Variants in TAF1 observed in about 807,000 individuals in gnomAD.
TAF1 encodes the protein transcription initiation factor TFIID subunit 1.
TAF1 carries 2 observed loss-of-function variants against 138.5 expected under a neutral mutation model. That is an observed-to-expected ratio of 0.01 (90% CI 0.01 to 0.05). The LOEUF (loss-of-function observed/expected upper bound fraction) is 0.05. Among genes scored for constraint, TAF1 ranks in the 10% least tolerant of loss-of-function variants. The pLI, the probability that TAF1 is intolerant of heterozygous loss-of-function variation, is 1.00. For synonymous variants in TAF1, 437 were observed against 503.2 expected, an observed-to-expected ratio of 0.87 and a Z score of 1.76; for missense variants, 709 against 1,478.0, an observed-to-expected ratio of 0.48 and a Z score of 8.53.
chrX:71,494,976 C>A (rs1052974657), intron 13 of TAF1, among the ~76,000 whole-genome samples: 2 of 111,842 alleles, frequency 1.8e-5, no homozygotes, highest in African/African-American at 6.5e-5. Context: ...ATTTACAATC[C>A]TTTAGCTACA....
At chrX:71,508,656 G>C (rs1282671597) in intron 13 of TAF1, among the ~76,000 whole-genome samples, 1 of 105,844 alleles carries the variant, frequency 9.4e-6, no homozygotes, top group South Asian at 4.3e-4. Context: ...AAGTGAAGAC[G>C]GGAAGGAAGG....
rs142985324 is a variant in TAF1, at chrX:71,499,987, C to T, written c.1367-28555C>T. ...AGAGAGGGAGAAGGGGATATGTACC[C>T]GGGTTGGGCAAAATTCCCCTCCTCC... On this transcript the variant is annotated intron_variant and NMD_transcript_variant, in intron 13 of 14. Coordinates refer to the TAF1 transcript ENST00000373775. Among the ~76,000 whole-genome samples the T allele has an allele frequency of 4.5e-3, 495 of 110,839 alleles. 3 individuals carry two copies. The highest frequency in any genetic ancestry group is 0.015 in the African/African-American group (462 of 30,558).
At chrX:71,385,086 G>A (rs181094288) in intron 14 of TAF1, 37 bp downstream of exon 14, 1,530 of 1,055,851 alleles carry the variant, frequency 1.4e-3, no homozygotes, top group Non-Finnish European at 1.9e-3. Context: ...GTTAACTAAG[G>A]AAATTGATAA....
chrX:71,442,983 T>C (rs1033805869), intron 32 of TAF1, among the ~76,000 whole-genome samples: 2 of 111,512 alleles, frequency 1.8e-5, no homozygotes, highest in Non-Finnish European at 3.8e-5. Context: ...AGATGTGTGG[T>C]ATTATTTCTG....
intron 24 of TAF1, among the ~76,000 whole-genome samples, chrX:71,399,940 C>T (rs920870460): frequency 1.0e-4 from 11 of 109,907 alleles, no homozygotes; most frequent in Non-Finnish European, 1.5e-4. Flanking sequence ...CCATGTTGGC[C>T]AGGCTGGACT....
At chrX:71,384,598 CAG>C (rs774697992) in intron 13 of TAF1, among the ~76,000 whole-genome samples, 5 of 110,514 alleles carry the variant, frequency 4.5e-5, no homozygotes, top group Admixed American at 2.0e-4. Flanking sequence ...TTAGTAGAGA[CAG>C]GGTTTCATCA....
intron 13 of TAF1, among the ~76,000 whole-genome samples, chrX:71,506,701 CAAA>C (rs770560479): frequency 4.7e-5 from 3 of 63,503 alleles, no homozygotes; most frequent in Non-Finnish European, 3.1e-5. Context: ...GACCCTGTCT[CAAA>C]AAAAAAAAAA....
chrX:71,468,578 C>T (rs963269599), downstream of TAF1, among the ~76,000 whole-genome samples: 1 of 106,191 alleles, frequency 9.4e-6, no homozygotes, highest in Admixed American at 1.0e-4. Context: ...CCCAGCTACT[C>T]AGGAGGCTGA....
rs2038697293 is a variant in TAF1 at position 71,464,886 on chromosome X, A to G, written c.*840A>G. On this transcript the variant is annotated 3_prime_UTR_variant, in exon 38 of 38. Coordinates refer to ENST00000423759, the MANE Select transcript of TAF1 (RefSeq NM_004606.5). ...TTAATTATGCAATGCCTAGTTCCTA[A>G]ATGGATTGGAGGCAAATTACCGTAA... 1 of 111,539 alleles carries G rather than the reference A, an allele frequency of 9.0e-6. No homozygotes were observed. Among genetic ancestry groups the G allele is most frequent in the Admixed American group, 9.6e-5 (1 of 10,420 alleles). The allele number at this position is 111,539 out of a possible 1,213,427, so 9.2% of individuals were successfully genotyped here.
At chrX:71,449,478 G>A (rs1015680662) in intron 32 of TAF1, among the ~76,000 whole-genome samples, 2 of 112,565 alleles carry the variant, frequency 1.8e-5, no homozygotes, top group African/African-American at 3.2e-5. Flanking sequence ...TAAGGAAGAG[G>A]TCCCATTTTC....
Position 71,383,017 on chromosome X carries a change from G to T in TAF1, c.1800G>T (p.Arg600=). The T allele has an allele frequency of 8.3e-7, 1 of 1,208,856 alleles. No individual in the cohort carries two copies. Among genetic ancestry groups the T allele is most frequent in the Non-Finnish European group, 1.1e-6 (1 of 894,664 alleles). ...ATTCAATTCCTGCTGTGGAATTACG[G>T]CAGCCCTTCTTTCCCACCCACATGG... ...IQHSIPAVEL[R]QPFFPTHMGP... The change falls in exon 12 of 38, where the codon CGG becomes CGT. Residue 600 remains arginine, a synonymous_variant. Transcript: ENST00000423759.
intron 2 of TAF1, 75 bp from the exon 3 acceptor site, chrX:71,367,979 T>C (rs1461550205): frequency 1.9e-6 from 2 of 1,067,146 alleles, no homozygotes; most frequent in Non-Finnish European, 2.6e-6. Flanking sequence ...CCTGTACATG[T>C]ACTTTTAAAT....
chrX:71,412,909 T>A (rs1254498912), intron 28 of TAF1, among the ~76,000 whole-genome samples: 1 of 111,875 alleles, frequency 8.9e-6, no homozygotes, highest in Admixed American at 9.6e-5. Flanking sequence ...TTTTTTTATT[T>A]GTCAGGCAAG....
Position 71,440,914 on chromosome X carries a change from T to C in TAF1, c.4754-13256T>C, listed in dbSNP as rs188019928. On this transcript the variant is annotated intron_variant, in intron 32 of 37. Transcript: ENST00000423759. ...CCATCTGTGTCTTCTCCTCCTCCCT[T>C]CTTCTTTCTCCTTCTTTCTCCCTTC... 3.6e-3 allele frequency among the ~76,000 whole-genome samples: 393 copies of C among 110,481 alleles called. 3 individuals are homozygous for C. Among genetic ancestry groups the C allele is most frequent in the Middle Eastern group, 9.2e-3 (2 of 217 alleles).
At chrX:71,451,234 CTAAGGCCA>C (rs1417913915) in intron 32 of TAF1, among the ~76,000 whole-genome samples, 2 of 111,873 alleles carry the variant, frequency 1.8e-5, no homozygotes, top group Non-Finnish European at 3.8e-5. Flanking sequence ...CAACTTGTAA[CTAAGGCCA>C]TATGGGGACC....
At chrX:71,460,356 C>T (rs1189923139) in intron 36 of TAF1, among the ~76,000 whole-genome samples, 1 of 112,241 alleles carries the variant, frequency 8.9e-6, no homozygotes, top group African/African-American at 3.2e-5. Context: ...TGGCAATGGC[C>T]GAGGAAAAGT....
At chrX:71,378,515 C>T in intron 7 of TAF1, 62 bp downstream of exon 7, 4 of 1,144,683 alleles carry the variant, frequency 3.5e-6, no homozygotes, top group Admixed American at 2.3e-5. Flanking sequence ...CTTTTACTAA[C>T]TTTACTCTTT....
At chrX:71,470,961 G>T (rs1351035474), downstream of TAF1, among the ~76,000 whole-genome samples, 2 of 109,697 alleles carry the variant, frequency 1.8e-5, no homozygotes, top group Non-Finnish European at 3.8e-5. Context: ...CGAAGCTACA[G>T]TGAGTGGTGA....
intron 13 of TAF1, among the ~76,000 whole-genome samples, chrX:71,500,834 GGGTGGATCACCTGA>G (rs966557458): frequency 4.5e-5 from 5 of 109,980 alleles, no homozygotes; most frequent in Non-Finnish European, 9.5e-5. Flanking sequence ...AGGCTGAGGT[GGGTGGATCACCTGA>G]GGTCAGGAGT....
Sources: allele counts gnomAD v4.1 joint callset (sites outside exome capture counted in the v4.1 genomes callset), GRCh38; gene constraint gnomAD v4.1.1; transcripts MANE v1.5; gene names NCBI Gene and HGNC (gene_info 2026-07-23, HGNC 2026-07-21).